DCX: variants seen among roughly 807,000 people sequenced by gnomAD.
DCX encodes the protein doublecortin, also known as neuronal migration protein doublecortin.
Under a neutral mutation model 20.9 loss-of-function variants are expected in DCX, and 4 were observed. The observed-to-expected ratio is 0.19, with a 90% CI of 0.09 to 0.44. DCX has a LOEUF of 0.44. Ranked by LOEUF, DCX falls within the 20% of genes least tolerant of loss-of-function variation. The probability of loss-of-function intolerance (pLI) is 0.99; values close to 1 mark genes in which losing one functional copy is unlikely to be tolerated. For missense variants in DCX, 133 were observed against 296.9 expected (o/e 0.45, Z 4.06); for synonymous variants, 103 against 111.4 (o/e 0.92, Z 0.47).
chrX:111,334,599 G>C (rs1316823923), intron 3 of DCX, among the ~76,000 whole-genome samples: 2 of 112,329 alleles, frequency 1.8e-5, no homozygotes, highest in Non-Finnish European at 3.8e-5. Context: ...TGAGAAAACT[G>C]TGACCCAGAG....
rs2095027666 is a variant in DCX at position 111,298,976 on chromosome X, G to T, written c.*2711C>A. 1.8e-5 allele frequency: 2 copies of T among 110,761 alleles called. No homozygotes were observed. The highest frequency in any genetic ancestry group is 7.8e-4 in the South Asian group (2 of 2,555). The allele number at this position is 110,761 out of a possible 1,213,427, so 9.1% of individuals were successfully genotyped here. On this transcript the variant is annotated 3_prime_UTR_variant, in exon 7 of 7. Coordinates refer to ENST00000636035, the MANE Select transcript of DCX (RefSeq NM_001195553.2). ...TGTGTGTGTGTGTGTGTGTGTGTGT[G>T]TAAGAAGGAGGGAGAAGTATAGGGA...
intron 3 of DCX, among the ~76,000 whole-genome samples, chrX:111,367,797 G>A (rs945175071): frequency 5.4e-5 from 6 of 111,222 alleles, no homozygotes; most frequent in Non-Finnish European, 1.1e-4. Flanking sequence ...GTCATAGCCA[G>A]GGGAAGTCTA....
chrX:111,371,691 C>A (rs1925092973), intron 3 of DCX, among the ~76,000 whole-genome samples: 1 of 110,705 alleles, frequency 9.0e-6, no homozygotes, highest in African/African-American at 3.3e-5. Flanking sequence ...ACTGTTAGAT[C>A]TCCATGACAG....
chrX:111,378,337 G>T (rs1278069983), intron 3 of DCX, among the ~76,000 whole-genome samples: 1 of 111,126 alleles, frequency 9.0e-6, no homozygotes, highest in Non-Finnish European at 1.9e-5. Flanking sequence ...TACCTGGCTA[G>T]CTGCTTAACA....
rs1158279841 is a variant in DCX, at chrX:111,299,070, G to A, written c.*2617C>T. On this transcript the variant is annotated 3_prime_UTR_variant, in exon 7 of 7. Transcript: ENST00000636035. ...GAAATTAACACAATGGAACTTGAGT[G>A]CTAAAATTGGATTGGGTAAAATTGG... is the stretch of plus-strand genomic sequence containing the variant. 1 of 110,580 alleles carries A rather than the reference G, an allele frequency of 9.0e-6. No individual in the cohort carries two copies. Among genetic ancestry groups the A allele is most frequent in the Non-Finnish European group, 1.9e-5 (1 of 52,897 alleles). The allele number at this position is 110,580 out of a possible 1,213,427, so 9.1% of individuals were successfully genotyped here. A position where few individuals can be genotyped will look rare whatever the true frequency, so the allele number is the denominator to read the frequency against.
At position 111,326,707 on chromosome X, in the gene DCX, T is replaced by C. The variant is rs140798231; in HGVS notation, c.946+4197A>G. On this transcript the variant is annotated intron_variant, in intron 5 of 6. Coordinates refer to ENST00000636035, the MANE Select transcript of DCX (RefSeq NM_001195553.2). ...CAACAAAATCCTTACTTAACTTGAG[T>C]TTAGGGCTTAGCAACAGACATTCCA... 9.9e-3 allele frequency among the ~76,000 whole-genome samples: 1,098 copies of C among 111,414 alleles called. 9 individuals are homozygous for C. Among genetic ancestry groups the C allele is most frequent in the Non-Finnish European group, 0.016 (824 of 53,020 alleles).
At chrX:111,391,069 T>A (rs1051618614) in intron 3 of DCX, among the ~76,000 whole-genome samples, 1 of 110,121 alleles carries the variant, frequency 9.1e-6, no homozygotes, top group Admixed American at 9.8e-5. Context: ...AGTTCTGATA[T>A]GGTTTGGCTC....
chrX:111,333,635 T>C (rs1921462827), intron 3 of DCX, among the ~76,000 whole-genome samples: 1 of 112,033 alleles, frequency 8.9e-6, no homozygotes, highest in Non-Finnish European at 1.9e-5. Flanking sequence ...CATCATTTCT[T>C]AACTGCTTTG....
chrX:111,378,452 T>G lies in DCX; in HGVS notation c.705+22538A>C, dbSNP rs547366826. 4.5e-5 allele frequency among the ~76,000 whole-genome samples: 5 copies of G among 112,007 alleles called. No individual in the cohort carries two copies. The East Asian group carries it at 1.1e-3, about 26-fold the overall frequency. On this transcript the variant is annotated intron_variant, in intron 3 of 6. Coordinates refer to ENST00000636035, the MANE Select transcript of DCX (RefSeq NM_001195553.2). ...CAAGCTACCCACATGAATTCTGATA[T>G]GAACAACACACTGCAAAATACTGGT...
intron 3 of DCX, among the ~76,000 whole-genome samples, chrX:111,352,397 C>T (rs756007637): frequency 2.7e-5 from 3 of 112,364 alleles, no homozygotes; most frequent in Non-Finnish European, 5.6e-5. Flanking sequence ...AGCTCCATCT[C>T]AGCAGGCTTC....
Position 111,368,901 on chromosome X carries a change from T to TATATACAC in DCX, c.705+32088_705+32089insGTGTATAT, listed in dbSNP as rs1467693516. On this transcript the variant is annotated intron_variant, in intron 3 of 6. Coordinates refer to ENST00000636035, the MANE Select transcript of DCX (RefSeq NM_001195553.2). ...CTAATACGGGATATATATATATACA[T>TATATACAC]ACACACACACACACACACACACACA... Among the ~76,000 whole-genome samples the TATATACAC allele has an allele frequency of 6.1e-4, 60 of 98,279 alleles. 1 individual carries two copies. Among genetic ancestry groups the TATATACAC allele is most frequent in the African/African-American group, 2.0e-3 (52 of 26,513 alleles). 85.3% of individuals were successfully genotyped at this position (98,279 alleles called of 115,157 possible).
chrX:111,309,145 C>T (rs887636163), intron 6 of DCX, among the ~76,000 whole-genome samples: 3 of 112,330 alleles, frequency 2.7e-5, no homozygotes, highest in Non-Finnish European at 5.6e-5. Flanking sequence ...CTTAAGTATG[C>T]GGACTTTGGC....
chrX:111,338,045 G>A (rs1480888454), intron 3 of DCX, among the ~76,000 whole-genome samples: 2 of 112,015 alleles, frequency 1.8e-5, no homozygotes, highest in African/African-American at 6.5e-5. Context: ...AAGGATGAGT[G>A]GGATATAGGT....
At chrX:111,318,637 A>G (rs1177353916) in intron 5 of DCX, among the ~76,000 whole-genome samples, 4 of 111,257 alleles carry the variant, frequency 3.6e-5, no homozygotes, top group Non-Finnish European at 7.5e-5. Flanking sequence ...AAGATTATGT[A>G]CTTTGCGGTA....
rs781324636 is a variant in DCX at position 111,334,409 on chromosome X, C to T, written c.706-1256G>A. ...CATCAAATTGGCCAACACCTTTCTT[C>T]GGCCCACTTGTCCTTCATCCATTCA... is the stretch of plus-strand genomic sequence containing the variant. On this transcript the variant is annotated intron_variant, in intron 3 of 6. Coordinates refer to ENST00000636035, the MANE Select transcript of DCX (RefSeq NM_001195553.2). Among the ~76,000 whole-genome samples, 23 of 111,728 alleles carry T rather than the reference C, an allele frequency of 2.1e-4. 1 individual carries two copies. Among genetic ancestry groups the T allele is most frequent in the Non-Finnish European group, 9.4e-5 (5 of 53,141 alleles).
rs779885657 is a variant in DCX, at chrX:111,326,966, A to G, written c.946+3938T>C. Among the ~76,000 whole-genome samples the G allele has an allele frequency of 6.2e-5, 7 of 112,092 alleles. No individual in the cohort carries two copies. In the South Asian group the frequency reaches 2.6e-3, roughly 42 times the overall value. On this transcript the variant is annotated intron_variant, in intron 5 of 6. Coordinates refer to ENST00000636035, the MANE Select transcript of DCX (RefSeq NM_001195553.2). ...GAACCATGAATTTGACCATATAGAT[A>G]TAGATATAGATATCTAGCAAACTTG... is the stretch of plus-strand genomic sequence containing the variant.
intron 3 of DCX, among the ~76,000 whole-genome samples, chrX:111,376,147 G>C (rs187568594): frequency 1.8e-5 from 2 of 112,041 alleles, no homozygotes; most frequent in African/African-American, 6.5e-5. Flanking sequence ...ATTTTTTAAG[G>C]AAAAGTTAGA....
chrX:111,383,052 G>A (rs1343912436), intron 3 of DCX, among the ~76,000 whole-genome samples: 1 of 111,153 alleles, frequency 9.0e-6, no homozygotes, highest in Non-Finnish European at 1.9e-5. Flanking sequence ...AATTACTCTT[G>A]GTTTCCATCC....
intron 3 of DCX, among the ~76,000 whole-genome samples, chrX:111,380,711 T>C (rs1372532443): frequency 9.0e-6 from 1 of 111,076 alleles, no homozygotes; most frequent in Non-Finnish European, 1.9e-5. Context: ...AGTATTTTCA[T>C]AGGAATTTCA....
Sources: gnomAD v4.1 joint callset for allele counts (sites outside exome capture counted in the v4.1 genomes callset) on GRCh38, gnomAD v4.1.1 for gene constraint, MANE v1.5 for transcripts, NCBI Gene and HGNC (gene_info 2026-07-23, HGNC 2026-07-21) for gene names.